Variants in PRUNE2 observed in about 807,000 individuals in gnomAD.
PRUNE2 encodes the protein protein prune homolog 2.
Under a neutral mutation model 252.0 loss-of-function variants are expected in PRUNE2, and 164 were observed. The observed-to-expected ratio is 0.65, with a 90% CI of 0.57 to 0.74. PRUNE2 has a LOEUF of 0.74. Ranked by LOEUF, PRUNE2 falls within the 30% of genes least tolerant of loss-of-function variation. The probability of loss-of-function intolerance (pLI) is 0.00; values close to 1 mark genes in which losing one functional copy is unlikely to be tolerated. For missense variants in PRUNE2, 3,495 were observed against 3,711.0 expected (o/e 0.94, Z 1.51); for synonymous variants, 1,292 against 1,350.2 (o/e 0.96, Z 0.94).
intron 6 of PRUNE2, chr9:76,808,658 C>T (rs1052317427): frequency 6.6e-6 from 1 of 152,314 alleles, no homozygotes; most frequent in African/African-American, 2.4e-5. Context: ...TACTCTGGAT[C>T]AAGAGACAAA....
intron 9 of PRUNE2, among the ~76,000 whole-genome samples, chr9:76,695,743 T>C (rs2045321496): frequency 6.6e-6 from 1 of 152,152 alleles, no homozygotes; most frequent in African/African-American, 2.4e-5. Context: ...TCAGGCCTAT[T>C]TATGGGGTGT....
Position 76,709,389 on chromosome 9 carries a change from G to A in PRUNE2, c.2885C>T (p.Pro962Leu), listed in dbSNP as rs755550155. ...SNLGEDSVPS[P>L]LDTNYSTSDS... Reference sequence around the variant, plus strand: ...TGAGGTGGAATAATTGGTATCTAAGGGGGAAGGCACCGAATCTTCTCCTAG... The same window carrying A: ...TGAGGTGGAATAATTGGTATCTAAGAGGGAAGGCACCGAATCTTCTCCTAG... Residue 962 changes from proline (P) to leucine (L), a missense_variant, in exon 8 of 19, where the codon CCC (proline) becomes CTC (leucine). Transcript: ENST00000376718. The A allele has an allele frequency of 6.2e-7, 1 of 1,613,874 alleles. No homozygotes were observed. The highest frequency in any genetic ancestry group is 1.3e-5 in the African/African-American group (1 of 74,922).
chr9:76,705,995 G>A lies in PRUNE2; in HGVS notation c.6279C>T (p.Cys2093=), dbSNP rs138148457. Residue 2093 remains cysteine (C), a synonymous_variant, in exon 8 of 19, where the codon TGC becomes TGT. Transcript: ENST00000376718. ...AAGCCTGAGAATTGCTGTCATGTTC[G>A]CAGTGCGTCAGGATATCAGGATTCT... ...DGENPDILTH[C]EHDSNSQASD... is the part of the protein sequence containing the mutation. The A allele has an allele frequency of 7.4e-4, 1,194 of 1,613,962 alleles. 9 individuals are homozygous for A. The African/African-American group carries it at 0.013, about 17-fold the overall frequency.
chr9:76,779,607 T>C (rs991896765), intron 6 of PRUNE2: 3 of 152,194 alleles, frequency 2.0e-5, no homozygotes, highest in East Asian at 1.9e-4. Flanking sequence ...TTCAACTAAA[T>C]AGGTAAAGAA....
Position 76,708,957 on chromosome 9 carries a change from TG to T in PRUNE2, c.3316del (p.Gln1106ArgfsTer13). The stretch of plus-strand genomic sequence containing the variant: ...CAAGTCGAGACTGTCAGGGGCCGTC[TG>T]CCGGGAGTTGGTGCTGCTGTGCAAA... Reference protein sequence around the residue: ...TLLHSSTNSRQTAPDSLDLWN... With the variant: ...TLLHSSTNSRXTAPDSLDLWN... On this transcript the variant is annotated frameshift_variant, in exon 8 of 19. Transcript: ENST00000376718. LOFTEE classifies it high-confidence loss of function. 1 of 1,614,000 alleles carries T rather than the reference TG, an allele frequency of 6.2e-7. No individual in the cohort carries two copies. Among genetic ancestry groups the T allele is most frequent in the South Asian group, 1.1e-5 (1 of 91,082 alleles).
chr9:76,706,434 T>C lies in PRUNE2; in HGVS notation c.5840A>G (p.Asp1947Gly). The stretch of plus-strand genomic sequence containing the variant: ...GGTAGGTGTTTCAGGAGTCAGCTCA[T>C]CACCAGCAGCAGACACAAAGGTTTG... ...REQTFVSAAG[D>G]ELTPETPTQE... Residue 1947 changes from aspartate to glycine, a missense_variant, in exon 8 of 19, where the codon GAT becomes GGT. Transcript: ENST00000376718. 6.2e-7 allele frequency: 1 copy of C among 1,614,020 alleles called. No individual in the cohort carries two copies. Among genetic ancestry groups the C allele is most frequent in the Non-Finnish European group, 8.5e-7 (1 of 1,179,878 alleles).
intron 1 of PRUNE2, chr9:76,857,168 C>T (rs1262351287): frequency 2.2e-6 from 1 of 455,736 alleles, no homozygotes; most frequent in South Asian, 1.6e-5. Context: ...TATTTGCCAT[C>T]CCCAGCGCAT....
At chr9:76,618,630 T>C (rs1830716781) in intron 18 of PRUNE2, among the ~76,000 whole-genome samples, 1 of 152,202 alleles carries the variant, frequency 6.6e-6, no homozygotes, top group Non-Finnish European at 1.5e-5. Context: ...ACCACCTCTT[T>C]CTGATTTAAA....
intron 6 of PRUNE2, among the ~76,000 whole-genome samples, chr9:76,715,350 A>G (rs1000454617): frequency 9.9e-5 from 15 of 152,236 alleles, no homozygotes; most frequent in African/African-American, 3.6e-4. Context: ...AAGAGGGCAC[A>G]CAAGACCCTG....
intron 6 of PRUNE2, among the ~76,000 whole-genome samples, chr9:76,795,914 G>A (rs2056053028): frequency 6.6e-6 from 1 of 152,112 alleles, no homozygotes; most frequent in Non-Finnish European, 1.5e-5. Flanking sequence ...ATTTCTGAGA[G>A]AATAAGACTC....
At chr9:76,752,090 T>TTCG (rs1272984447) in intron 6 of PRUNE2, among the ~76,000 whole-genome samples, 6 of 82,142 alleles carry the variant, frequency 7.3e-5, no homozygotes, top group Non-Finnish European at 1.1e-4. Context: ...TTCCTGTTTT[T>TTCG]TTTTTGGTTT....
chr9:76,705,385 C>A lies in PRUNE2; in HGVS notation c.6889G>T (p.Ala2297Ser). Residue 2297 changes from alanine to serine, a missense_variant, in exon 8 of 19, where the codon GCT (alanine) becomes TCT (serine). Ala to Ser is a moderately conservative substitution (Grantham distance 99). Coordinates refer to ENST00000376718, the MANE Select transcript of PRUNE2 (RefSeq NM_015225.3). ...TCGCTGAAACTGTGGTCAAAGGCAGCTTCGCTTATATCCAGACAAGTGTCT... is the reference window on the plus strand; with the variant it reads ...TCGCTGAAACTGTGGTCAAAGGCAGATTCGCTTATATCCAGACAAGTGTCT... ...ASDTCLDISEAAFDHSFSDAS... is the reference protein window; with the variant it reads ...ASDTCLDISESAFDHSFSDAS... 6.2e-7 allele frequency: 1 copy of A among 1,614,032 alleles called. No homozygotes were observed. Among genetic ancestry groups the A allele is most frequent in the Non-Finnish European group, 8.5e-7 (1 of 1,179,896 alleles).
chr9:76,874,412 C>G (rs191141475), intron 1 of PRUNE2, among the ~76,000 whole-genome samples: 8 of 151,980 alleles, frequency 5.3e-5, no homozygotes, highest in Non-Finnish European at 1.5e-5. Context: ...ATTTTGTTAC[C>G]GATGGAAAGA....
At chr9:76,849,244 A>G (rs1474014336) in intron 3 of PRUNE2, among the ~76,000 whole-genome samples, 1 of 152,142 alleles carries the variant, frequency 6.6e-6, no homozygotes, top group Non-Finnish European at 1.5e-5. Context: ...CGTTTGTGAC[A>G]CTGAGTTTCA....
chr9:76,807,225 T>C (rs1301508335), intron 6 of PRUNE2, among the ~76,000 whole-genome samples: 1 of 135,070 alleles, frequency 7.4e-6, no homozygotes, highest in Non-Finnish European at 1.6e-5. Flanking sequence ...CATGTCTGGC[T>C]AATTTAAAAA....
At chr9:76,695,886 TA>T (rs1340233454) in intron 9 of PRUNE2, among the ~76,000 whole-genome samples, 1 of 151,484 alleles carries the variant, frequency 6.6e-6, no homozygotes, top group Non-Finnish European at 1.5e-5. Context: ...AATAAATAAG[TA>T]AATAGAAGAT....
intron 9 of PRUNE2, among the ~76,000 whole-genome samples, chr9:76,680,705 T>C (rs568074043): frequency 6.6e-6 from 1 of 152,280 alleles, no homozygotes; most frequent in African/African-American, 2.4e-5. Context: ...AAGAACTACC[T>C]GAGACTGGGT....
At chr9:76,755,992 C>A (rs1462980592) in intron 6 of PRUNE2, among the ~76,000 whole-genome samples, 5 of 152,170 alleles carry the variant, frequency 3.3e-5, no homozygotes, top group Non-Finnish European at 7.4e-5. Context: ...CGTGAGCCAC[C>A]GCGCCTGGCC....
At chr9:76,849,863 C>T (rs2059862928) in intron 3 of PRUNE2, among the ~76,000 whole-genome samples, 1 of 146,782 alleles carries the variant, frequency 6.8e-6, no homozygotes, top group Non-Finnish European at 1.5e-5. Context: ...CAAAAAACCC[C>T]CTATAATTTG....
Sources: gnomAD v4.1 joint callset for allele counts (sites outside exome capture counted in the v4.1 genomes callset) on GRCh38, gnomAD v4.1.1 for gene constraint, MANE v1.5 for transcripts, NCBI Gene and HGNC (gene_info 2026-07-23, HGNC 2026-07-21) for gene names.